TEAD1: variants seen among roughly 807,000 people sequenced by gnomAD.
TEAD1 encodes TEA domain transcription factor 1, also known as transcriptional enhancer factor TEF-1.
A neutral mutation model predicts 54.9 loss-of-function variants in TEAD1; 9 were observed. The ratio of observed to expected loss-of-function variants is 0.16; its 90% CI spans 0.10 to 0.29. The LOEUF (loss-of-function observed/expected upper bound fraction) is 0.29, where lower values mean the gene tolerates loss of function less well. Ranked by LOEUF, TEAD1 falls within the 10% of genes least tolerant of loss-of-function variation. The pLI is 1.00. For missense variants in TEAD1, 387 were observed against 535.9 expected (o/e 0.72, Z 2.74); for synonymous variants, 200 against 187.8 (o/e 1.07, Z -0.53).
intron 3 of TEAD1, among the ~76,000 whole-genome samples, chr11:12,785,891 G>T (rs1389900096): frequency 6.6e-6 from 1 of 151,782 alleles, no homozygotes; most frequent in Non-Finnish European, 1.5e-5. Context: ...TACTAACTTA[G>T]TTTTTTTTTC....
intron 5 of TEAD1, chr11:12,865,599 T>A (rs1947600496): frequency 6.6e-6 from 1 of 152,152 alleles, no homozygotes; most frequent in Non-Finnish European, 1.5e-5. Flanking sequence ...CATTTGTACT[T>A]GAGTTTGCTT....
chr11:12,706,772 G>A (rs1222970216), intron 2 of TEAD1, among the ~76,000 whole-genome samples: 1 of 152,192 alleles, frequency 6.6e-6, no homozygotes, highest in South Asian at 2.1e-4. Flanking sequence ...GTCCTTCTAC[G>A]GTTCATGAGC....
chr11:12,785,505 A>G (rs575421871), intron 3 of TEAD1, among the ~76,000 whole-genome samples: 17 of 152,320 alleles, frequency 1.1e-4, no homozygotes, highest in Admixed American at 4.6e-4. Context: ...AATGGGGGCA[A>G]TGTTAACAAT....
intron 3 of TEAD1, among the ~76,000 whole-genome samples, chr11:12,790,622 T>A (rs1590154598): frequency 6.6e-6 from 1 of 152,214 alleles, no homozygotes; most frequent in Non-Finnish European, 1.5e-5. Flanking sequence ...CTCAGATGAA[T>A]GGGGACTTAA....
chr11:12,737,279 C>T (rs1274174237), intron 2 of TEAD1, among the ~76,000 whole-genome samples: 1 of 146,030 alleles, frequency 6.8e-6, no homozygotes, highest in Non-Finnish European at 1.5e-5. Flanking sequence ...TTGCAGTTCA[C>T]ATAAGTCCTT....
At chr11:12,772,653 C>CAATG in intron 3 of TEAD1, among the ~76,000 whole-genome samples, 1 of 152,238 alleles carries the variant, frequency 6.6e-6, no homozygotes, top group East Asian at 1.9e-4. Flanking sequence ...GATTCACATG[C>CAATG]AATGGTAAGA....
intron 3 of TEAD1, among the ~76,000 whole-genome samples, chr11:12,836,954 T>C (rs1590198385): frequency 6.6e-6 from 1 of 152,224 alleles, no homozygotes; most frequent in African/African-American, 2.4e-5. Flanking sequence ...AACTCAGCTT[T>C]GATGTGTCCT....
chr11:12,709,346 TAAAA>T (rs60875630), intron 2 of TEAD1, among the ~76,000 whole-genome samples: 19 of 144,898 alleles, frequency 1.3e-4, no homozygotes, highest in African/African-American at 4.0e-4. Flanking sequence ...TCAAAAAAAA[TAAAA>T]AAAAAAAACC....
chr11:12,844,504 C>T (rs1006268005), intron 3 of TEAD1, among the ~76,000 whole-genome samples: 7 of 152,042 alleles, frequency 4.6e-5, no homozygotes, highest in Non-Finnish European at 8.8e-5. Context: ...AAATTGTTGC[C>T]ACCACCAGCA....
chr11:12,750,297 A>T (rs1209500762), intron 2 of TEAD1, among the ~76,000 whole-genome samples: 1 of 151,584 alleles, frequency 6.6e-6, no homozygotes, highest in Non-Finnish European at 1.5e-5. Context: ...GTGCTTGAAG[A>T]CAGTCTGATG....
At chr11:12,932,249 C>G (rs187586315) in intron 12 of TEAD1, among the ~76,000 whole-genome samples, 20 of 152,242 alleles carry the variant, frequency 1.3e-4, no homozygotes, top group Admixed American at 5.2e-4. Flanking sequence ...GCAGGACTGG[C>G]ATATAGCAGG....
chr11:12,735,602 C>G (rs1206315021), intron 2 of TEAD1, among the ~76,000 whole-genome samples: 1 of 147,696 alleles, frequency 6.8e-6, no homozygotes, highest in Admixed American at 6.8e-5. Flanking sequence ...GTGTGCTATG[C>G]ACTGTTCTGG....
intron 3 of TEAD1, among the ~76,000 whole-genome samples, chr11:12,820,097 G>A (rs1486181863): frequency 6.6e-6 from 1 of 152,108 alleles, no homozygotes; most frequent in Non-Finnish European, 1.5e-5. Context: ...TCCACTGTGT[G>A]CCATACTGTG....
At chr11:12,848,863 TTGC>T (rs1947210733) in intron 3 of TEAD1, 1 of 151,934 alleles carries the variant, frequency 6.6e-6, no homozygotes, top group African/African-American at 2.4e-5. Flanking sequence ...GGTGGGAGGA[TTGC>T]TTGAAACCAG....
chr11:12,932,955 G>A (rs1278756402), intron 12 of TEAD1, among the ~76,000 whole-genome samples: 1 of 152,086 alleles, frequency 6.6e-6, no homozygotes, highest in East Asian at 1.9e-4. Flanking sequence ...TTACCATTGT[G>A]TTGTAATAGC....
intron 12 of TEAD1, among the ~76,000 whole-genome samples, chr11:12,934,381 C>T (rs1171789710): frequency 6.6e-6 from 1 of 151,836 alleles, no homozygotes; most frequent in East Asian, 1.9e-4. Flanking sequence ...CACACCGGGG[C>T]CTGTTGTGGG....
intron 2 of TEAD1, among the ~76,000 whole-genome samples, chr11:12,688,980 CTCTTGCT>C (rs1943395824): frequency 1.3e-5 from 2 of 151,260 alleles, no homozygotes; most frequent in Admixed American, 1.3e-4. Context: ...CCAGCTTCCC[CTCTTGCT>C]GGATTTCCTG....
intron 5 of TEAD1, among the ~76,000 whole-genome samples, chr11:12,871,622 G>A (rs1018868236): frequency 6.6e-6 from 1 of 152,046 alleles, no homozygotes; most frequent in East Asian, 1.9e-4. Context: ...CAGCAAAAAG[G>A]CAGTCCTTTC....
intron 3 of TEAD1, among the ~76,000 whole-genome samples, chr11:12,837,527 CAA>C (rs1390793153): frequency 6.6e-6 from 1 of 152,232 alleles, no homozygotes; most frequent in East Asian, 1.9e-4. Context: ...CCTGGAAGCC[CAA>C]GAGATCAAGG....
Sources: allele counts gnomAD v4.1 joint callset (sites outside exome capture counted in the v4.1 genomes callset), GRCh38; gene constraint gnomAD v4.1.1; transcripts MANE v1.5; gene names NCBI Gene and HGNC (gene_info 2026-07-23, HGNC 2026-07-21).